The following GPC6 variants were observed in gnomAD, a reference collection of about 807,000 sequenced individuals.
The protein encoded by GPC6 is glypican 6.
Under a neutral mutation model 55.2 loss-of-function variants are expected in GPC6, and 14 were observed. The ratio of observed to expected loss-of-function variants is 0.25; its 90% CI spans 0.17 to 0.40. The LOEUF (loss-of-function observed/expected upper bound fraction) is 0.40, where lower values mean the gene tolerates loss of function less well. Ranked by LOEUF, GPC6 falls within the 10% of genes least tolerant of loss-of-function variation. The pLI, the probability that GPC6 is intolerant of heterozygous loss-of-function variation, is 1.00. For synonymous variants in GPC6, 278 were observed against 259.6 expected (o/e 1.07, Z -0.68); for missense variants, 641 against 708.5 (o/e 0.90, Z 1.08).
chr13:93,479,822 A>C (rs1360985721), intron 1 of GPC6, among the ~76,000 whole-genome samples: 1 of 152,214 alleles, frequency 6.6e-6, no homozygotes, highest in Non-Finnish European at 1.5e-5. Context: ...GTGAGTAATA[A>C]TCATACGGTG....
intron 2 of GPC6, among the ~76,000 whole-genome samples, chr13:93,701,128 G>C (rs1486390820): frequency 6.6e-6 from 1 of 152,060 alleles, no homozygotes; most frequent in Admixed American, 6.6e-5. Context: ...TACAAGGAGA[G>C]GTTATAAAAT....
chr13:94,006,390 A>G (rs1882021021), intron 3 of GPC6, among the ~76,000 whole-genome samples: 1 of 152,014 alleles, frequency 6.6e-6, no homozygotes, highest in Non-Finnish European at 1.5e-5. Context: ...CCACGCTGCT[A>G]CTCCTCAGAC....
At chr13:94,111,465 A>G (rs1462286004) in intron 4 of GPC6, among the ~76,000 whole-genome samples, 1 of 105,458 alleles carries the variant, frequency 9.5e-6, no homozygotes, top group Admixed American at 1.2e-4. Context: ...TCCAGAACTT[A>G]AAGTAAATAT....
intron 6 of GPC6, among the ~76,000 whole-genome samples, chr13:94,313,286 G>A (rs1196138732): frequency 1.3e-5 from 2 of 152,114 alleles, no homozygotes; most frequent in Admixed American, 1.3e-4. Context: ...AGGATATTCT[G>A]CTTATTCCAT....
intron 1 of GPC6, among the ~76,000 whole-genome samples, chr13:93,463,523 A>G (rs1878782360): frequency 6.6e-6 from 1 of 152,182 alleles, no homozygotes; most frequent in South Asian, 2.1e-4. Context: ...GGTCTCTGCC[A>G]TGTTTGAGAG....
At chr13:93,672,763 G>C (rs1027314978) in intron 2 of GPC6, among the ~76,000 whole-genome samples, 1 of 151,804 alleles carries the variant, frequency 6.6e-6, no homozygotes, top group African/African-American at 2.4e-5. Context: ...TCAGTAGACA[G>C]TGATGAAATG....
chr13:94,179,348 G>A (rs929481874), intron 4 of GPC6, among the ~76,000 whole-genome samples: 2 of 152,114 alleles, frequency 1.3e-5, no homozygotes, highest in African/African-American at 4.8e-5. Context: ...GAGGGTGGAT[G>A]GAAAGGTGAA....
At chr13:93,816,404 A>T (rs1168717195) in intron 2 of GPC6, among the ~76,000 whole-genome samples, 1 of 152,074 alleles carries the variant, frequency 6.6e-6, no homozygotes. Context: ...AACCCTTTTT[A>T]CTAATCAGCA....
chr13:93,385,594 T>C, intron 1 of GPC6, among the ~76,000 whole-genome samples: 1 of 152,150 alleles, frequency 6.6e-6, no homozygotes, highest in East Asian at 1.9e-4. Flanking sequence ...CTCACTCATG[T>C]TTAACTCGAC....
At chr13:93,574,055 C>G (rs146426690) in intron 2 of GPC6, among the ~76,000 whole-genome samples, 1 of 152,126 alleles carries the variant, frequency 6.6e-6, no homozygotes, top group East Asian at 1.9e-4. Flanking sequence ...AAGTATCCTA[C>G]GAACTTTGGT....
At chr13:93,776,293 C>T (rs967605721) in intron 2 of GPC6, among the ~76,000 whole-genome samples, 25 of 152,190 alleles carry the variant, frequency 1.6e-4, no homozygotes, top group Admixed American at 1.2e-3. Context: ...TATGTGCTGG[C>T]GCAGTTCTAA....
intron 4 of GPC6, among the ~76,000 whole-genome samples, chr13:94,175,952 A>T (rs1888739613): frequency 9.2e-6 from 1 of 108,538 alleles, no homozygotes; most frequent in African/African-American, 3.2e-5. Context: ...ATATATATAT[A>T]TATAGAGAGA....
chr13:93,797,764 G>A (rs1465699919), intron 2 of GPC6, among the ~76,000 whole-genome samples: 1 of 152,164 alleles, frequency 6.6e-6, no homozygotes, highest in Non-Finnish European at 1.5e-5. Context: ...TTAACTTCAG[G>A]TGAGAGACCA....
Position 93,472,669 on chromosome 13 carries a change from G to A in GPC6, c.161-72594G>A, listed in dbSNP as rs1255146680. On this transcript the variant is annotated intron_variant, in intron 1 of 8. Coordinates refer to ENST00000377047, the MANE Select transcript of GPC6 (RefSeq NM_005708.5). ...CTCCCAAGTTTGGGCTCCTAGAAGG[G>A]CCACAAACTCCTTCTCTTCTTCTCT... is the stretch of plus-strand genomic sequence containing the variant. 3.3e-5 allele frequency among the ~76,000 whole-genome samples: 5 copies of A among 152,218 alleles called. No homozygotes were observed. In the East Asian group the frequency reaches 7.7e-4, roughly 23 times the overall value.
At chr13:93,713,256 T>C (rs754698456) in intron 2 of GPC6, among the ~76,000 whole-genome samples, 1 of 151,536 alleles carries the variant, frequency 6.6e-6, no homozygotes, top group Non-Finnish European at 1.5e-5. Context: ...TAGTAAACTC[T>C]AGGAGCTACA....
chr13:93,963,358 A>G (rs1304699261), intron 3 of GPC6, among the ~76,000 whole-genome samples: 1 of 152,202 alleles, frequency 6.6e-6, no homozygotes, highest in Non-Finnish European at 1.5e-5. Context: ...ATAGAAGTGT[A>G]CAATGATATA....
intron 4 of GPC6, among the ~76,000 whole-genome samples, chr13:94,232,341 C>T (rs941454459): frequency 2.6e-5 from 4 of 152,184 alleles, no homozygotes; most frequent in Non-Finnish European, 4.4e-5. Flanking sequence ...TGCCATGGCA[C>T]GTGCGCACAC....
chr13:93,783,740 A>T (rs1057246432), intron 2 of GPC6, among the ~76,000 whole-genome samples: 1 of 152,154 alleles, frequency 6.6e-6, no homozygotes, highest in South Asian at 2.1e-4. Flanking sequence ...ATCATATCCT[A>T]TCATGCAGCC....
chr13:94,023,723 C>T (rs1421703982), intron 3 of GPC6, among the ~76,000 whole-genome samples: 1 of 151,798 alleles, frequency 6.6e-6, no homozygotes, highest in Non-Finnish European at 1.5e-5. Context: ...TGGAAACAAC[C>T]CAGATATCCT....
Sources: gnomAD v4.1 joint callset for allele counts (sites outside exome capture counted in the v4.1 genomes callset) on GRCh38, gnomAD v4.1.1 for gene constraint, MANE v1.5 for transcripts, NCBI Gene and HGNC (gene_info 2026-07-23, HGNC 2026-07-21) for gene names.